The following SACS variants were observed in gnomAD, a reference collection of about 807,000 sequenced individuals.
SACS encodes the protein sacsin molecular chaperone.
In SACS, 197 loss-of-function variants were observed where a neutral mutation model predicts 348.0. That is an observed-to-expected ratio of 0.57 (90% CI 0.50 to 0.64). The LOEUF (loss-of-function observed/expected upper bound fraction) is 0.64, where lower values mean the gene tolerates loss of function less well. Among genes scored for constraint, SACS ranks in the 30% least tolerant of loss-of-function variants. The pLI is 0.00. For synonymous variants in SACS, 1,985 were observed against 1,910.6 expected, an observed-to-expected ratio of 1.04 and a Z score of -1.02; for missense variants, 4,999 against 5,360.8, an observed-to-expected ratio of 0.93 and a Z score of 2.11.
chr13:23,351,478 T>C (rs1869955697), intron 9 of SACS, among the ~76,000 whole-genome samples: 1 of 152,180 alleles, frequency 6.6e-6, no homozygotes, highest in Admixed American at 6.5e-5. Flanking sequence ...TCTCAAGAGC[T>C]GATAGTTTTA....
intron 1 of SACS, among the ~76,000 whole-genome samples, chr13:23,413,278 G>A (rs559737507): frequency 4.6e-4 from 70 of 152,116 alleles, no homozygotes; most frequent in Non-Finnish European, 9.4e-4. Context: ...GCGCCCGGCC[G>A]GCAAACTTTA....
intron 2 of SACS, among the ~76,000 whole-genome samples, chr13:23,397,607 C>T (rs952883318): frequency 3.9e-5 from 6 of 152,178 alleles, no homozygotes; most frequent in Admixed American, 2.6e-4. Context: ...ATTTCCTGTC[C>T]TAACCTTTAC....
chr13:23,329,819 G>A lies in SACS; in HGVS notation c.*317C>T, dbSNP rs1279730560. The A allele has an allele frequency of 4.2e-6, 2 of 473,446 alleles. No individual in the cohort carries two copies. Among genetic ancestry groups the A allele is most frequent in the Non-Finnish European group, 7.5e-6 (2 of 267,656 alleles). 29.3% of individuals were successfully genotyped at this position (473,446 alleles called of 1,614,324 possible). A position where few individuals can be genotyped will look rare whatever the true frequency, so the allele number is the denominator to read the frequency against. On this transcript the variant is annotated 3_prime_UTR_variant, in exon 10 of 10. Coordinates refer to ENST00000382292, the MANE Select transcript of SACS (RefSeq NM_014363.6). Reference sequence around the variant, plus strand: ...CATAAAATTAACTTCATCCTAACCAGAGACATACATAGACTCTTATCTAAC... The same window carrying A: ...CATAAAATTAACTTCATCCTAACCAAAGACATACATAGACTCTTATCTAAC...
chr13:23,409,040 C>CTTTTTTTTTTTTTTTTT (rs1175897856), intron 2 of SACS, among the ~76,000 whole-genome samples: 374 of 35,148 alleles, frequency 0.011, 122 homozygotes, highest in African/African-American at 0.011. Context: ...ACAAGTTTTA[C>CTTTTTTTTTTTTTTTTT]TTTTTTTTTT....
In SACS at chr13:23,355,868, T is replaced by G. The variant is rs1448438600; in HGVS notation, c.744A>C (p.Ala248=). 2.5e-6 allele frequency: 4 copies of G among 1,614,206 alleles called. No homozygotes were observed. The highest frequency in any genetic ancestry group is 3.4e-6 in the Non-Finnish European group (4 of 1,180,036). ...TGCTTCCAAAAATGCCAACAAATGG[T>G]GCAAACTGGTCTGAAAGTTCACTAA... The part of the protein sequence containing the change: ...KEISELSDQF[A]PFVGIFGSTK... The change falls in exon 8 of 10, where the codon GCA becomes GCC. Residue 248 remains alanine (A), a synonymous_variant. Transcript: ENST00000382292.
intron 2 of SACS, among the ~76,000 whole-genome samples, chr13:23,394,854 C>T (rs1054246881): frequency 2.0e-5 from 3 of 152,146 alleles, no homozygotes; most frequent in Non-Finnish European, 4.4e-5. Flanking sequence ...GTCTCCCTCT[C>T]GAAAACAAAC....
Position 23,348,323 on chromosome 13 carries a change from A to G in SACS, c.2185+5462T>C, listed in dbSNP as rs41360252. Among the ~76,000 whole-genome samples, 635 of 152,316 alleles carry G rather than the reference A, an allele frequency of 4.2e-3. 5 individuals carry two copies. Among genetic ancestry groups the G allele is most frequent in the Middle Eastern group, 0.037 (11 of 294 alleles). ...CTCATGGTTGTAAAGAATAAACAAGATTACAGAAGACACTGATTTGAAGAG... is the reference window on the plus strand; with the variant it reads ...CTCATGGTTGTAAAGAATAAACAAGGTTACAGAAGACACTGATTTGAAGAG... On this transcript the variant is annotated intron_variant, in intron 9 of 9. Transcript: ENST00000382292.
At chr13:23,369,087 A>G (rs2137804847) in intron 4 of SACS, among the ~76,000 whole-genome samples, 1 of 152,364 alleles carries the variant, frequency 6.6e-6, no homozygotes, top group African/African-American at 2.4e-5. Context: ...AGCATGGTGC[A>G]GTGGGGAGGA....
intron 9 of SACS, among the ~76,000 whole-genome samples, chr13:23,349,440 G>A (rs1224184852): frequency 6.6e-6 from 1 of 152,186 alleles, no homozygotes; most frequent in East Asian, 1.9e-4. Flanking sequence ...GATTCCAAGT[G>A]CAAAATGCTA....
chr13:23,366,893 G>T (rs539442009), intron 5 of SACS, among the ~76,000 whole-genome samples: 1 of 152,312 alleles, frequency 6.6e-6, no homozygotes, highest in South Asian at 2.1e-4. Flanking sequence ...TGGTGGTGTA[G>T]GTCTTGGTGA....
chr13:23,381,939 T>C (rs1872074137), intron 2 of SACS, among the ~76,000 whole-genome samples: 2 of 152,202 alleles, frequency 1.3e-5, no homozygotes, highest in South Asian at 4.1e-4. Context: ...AATTACAGAT[T>C]TTTGCATTTG....
chr13:23,412,278 G>C lies in SACS; in HGVS notation c.-501-538C>G, dbSNP rs1169959200. ...TTCTGTCTCAAAAAAAATAAAATTAGAAGTACATCTACTTAACCACTTAGT... is the reference window on the plus strand; with the variant it reads ...TTCTGTCTCAAAAAAAATAAAATTACAAGTACATCTACTTAACCACTTAGT... On this transcript the variant is annotated intron_variant, in intron 1 of 9. Coordinates refer to ENST00000382292, the MANE Select transcript of SACS (RefSeq NM_014363.6). 3.3e-5 allele frequency among the ~76,000 whole-genome samples: 5 copies of C among 152,106 alleles called. No individual in the cohort carries two copies. In the East Asian group the frequency reaches 7.7e-4, roughly 24 times the overall value.
At chr13:23,356,989 G>A (rs183994872) in intron 7 of SACS, among the ~76,000 whole-genome samples, 536 of 152,294 alleles carry the variant, frequency 3.5e-3, no homozygotes, top group Non-Finnish European at 5.6e-3. Context: ...GCACAGAGTC[G>A]CACCCCCATG....
In SACS at chr13:23,334,230, C is replaced by T. The variant is rs748153989; in HGVS notation, c.9646G>A (p.Asp3216Asn). The change falls in exon 10 of 10, where the codon GAT becomes AAT. Residue 3216 changes from aspartate to asparagine, a missense_variant. By Grantham distance (23) the Asp-to-Asn change is conservative (BLOSUM62 1). Transcript: ENST00000382292. ...AKVFDISSFA[D>N]LLSSVLPREY... ...CGAGGCAACACAGAGGATAACAAATCAGCAAAGCTGGAAATGTCAAACACT... is the reference window on the plus strand; with the variant it reads ...CGAGGCAACACAGAGGATAACAAATTAGCAAAGCTGGAAATGTCAAACACT... 1 of 1,613,630 alleles carries T rather than the reference C, an allele frequency of 6.2e-7. No homozygotes were observed. Among genetic ancestry groups the T allele is most frequent in the South Asian group, 1.1e-5 (1 of 91,026 alleles).
chr13:23,409,369 T>C (rs1367381885), intron 2 of SACS, among the ~76,000 whole-genome samples: 4 of 146,408 alleles, frequency 2.7e-5, no homozygotes, highest in Non-Finnish European at 6.0e-5. Flanking sequence ...TTTTTTTTTT[T>C]TTTTTAAACA....
rs201491052 is a variant in SACS, at chr13:23,341,126, T to A, written c.2750A>T (p.Glu917Val). 3.5e-5 allele frequency: 56 copies of A among 1,613,344 alleles called. No individual in the cohort carries two copies. The highest frequency in any genetic ancestry group is 3.1e-5 in the Non-Finnish European group (36 of 1,179,972). The change falls in exon 10 of 10, where the codon GAG becomes GTG. Residue 917 changes from glutamate to valine, a missense_variant. Around this residue, in one of 6 missense-constraint regions of SACS, gnomAD observed 3,156 missense variants for 3,380.1 expected, o/e 0.93. Coordinates refer to ENST00000382292, the MANE Select transcript of SACS (RefSeq NM_014363.6). ...TGCCAATTCTTGAATAATTCTTTTC[T>A]CTTTCTCACTGCTATCGGTTAAACT... ...LASLTDSSEK[E>V]KRIIQELAIF... is the part of the protein sequence containing the mutation.
intron 2 of SACS, among the ~76,000 whole-genome samples, chr13:23,388,282 C>T (rs1472358189): frequency 6.8e-6 from 1 of 147,102 alleles, no homozygotes; most frequent in Admixed American, 6.9e-5. Flanking sequence ...TGCAGTGAGC[C>T]GAGATTGCGC....
At chr13:23,432,101 G>A (rs1055395560) in intron 1 of SACS, among the ~76,000 whole-genome samples, 1 of 152,172 alleles carries the variant, frequency 6.6e-6, no homozygotes, top group East Asian at 1.9e-4. Context: ...GATTGTCAGG[G>A]GCTGCAGAGT....
At chr13:23,367,108 G>A (rs894797362) in intron 5 of SACS, among the ~76,000 whole-genome samples, 2 of 152,198 alleles carry the variant, frequency 1.3e-5, no homozygotes, top group African/African-American at 4.8e-5. Flanking sequence ...ACCTACTCCT[G>A]TTACCACTAT....
Sources: gnomAD v4.1 joint callset for allele counts (sites outside exome capture counted in the v4.1 genomes callset) on GRCh38, gnomAD v4.1.1 for gene constraint, gnomAD v4.1.1 regional missense constraint, MANE v1.5 for transcripts, NCBI Gene and HGNC (gene_info 2026-07-23, HGNC 2026-07-21) for gene names.